The following ADAMTS17 variants were observed in gnomAD, a reference collection of about 807,000 sequenced individuals.
The protein encoded by ADAMTS17 is ADAM metallopeptidase with thrombospondin type 1 motif 17.
A neutral mutation model predicts 141.5 loss-of-function variants in ADAMTS17; 113 were observed. The ratio of observed to expected loss-of-function variants is 0.80; its 90% CI spans 0.69 to 0.93. The LOEUF (loss-of-function observed/expected upper bound fraction) is 0.93. Among genes scored for constraint, ADAMTS17 ranks in the 40% least tolerant of loss-of-function variants. The pLI, the probability that ADAMTS17 is intolerant of heterozygous loss-of-function variation, is 0.00. For synonymous variants in ADAMTS17, 768 were observed against 630.6 expected (o/e 1.22, Z -3.27); for missense variants, 1,659 against 1,517.9 (o/e 1.09, Z -1.54).
chr15:100,258,529 G>C (rs1230081978), intron 6 of ADAMTS17, among the ~76,000 whole-genome samples: 2 of 152,324 alleles, frequency 1.3e-5, no homozygotes, highest in East Asian at 3.9e-4. Flanking sequence ...GAAGGCGAAA[G>C]GCACGTCTCA....
intron 3 of ADAMTS17, among the ~76,000 whole-genome samples, chr15:100,298,052 G>A (rs1280963680): frequency 6.6e-6 from 1 of 152,118 alleles, no homozygotes; most frequent in Non-Finnish European, 1.5e-5. Context: ...GGGGGTCTCA[G>A]TGAGAGTGCT....
At chr15:100,163,523 T>C (rs1812326626) in intron 8 of ADAMTS17, among the ~76,000 whole-genome samples, 1 of 152,202 alleles carries the variant, frequency 6.6e-6, no homozygotes, top group East Asian at 1.9e-4. Flanking sequence ...TCTCACTCTA[T>C]CACCCAAGCT....
intron 15 of ADAMTS17, among the ~76,000 whole-genome samples, chr15:100,058,874 TGACG>T (rs143431810): frequency 2.0e-3 from 302 of 152,310 alleles, no homozygotes; most frequent in African/African-American, 7.1e-3. Context: ...AGGCTGCGGC[TGACG>T]GACAAACCCA....
At chr15:100,288,008 C>T (rs1005121588) in intron 3 of ADAMTS17, among the ~76,000 whole-genome samples, 2 of 152,190 alleles carry the variant, frequency 1.3e-5, no homozygotes, top group African/African-American at 4.8e-5. Flanking sequence ...CTGTATATAT[C>T]GATATTAGCT....
chr15:100,325,873 G>A (rs1424192837), intron 3 of ADAMTS17, among the ~76,000 whole-genome samples: 2 of 152,178 alleles, frequency 1.3e-5, no homozygotes, highest in Non-Finnish European at 1.5e-5. Flanking sequence ...CCATCTGCAA[G>A]CCAAGGAGAG....
chr15:100,170,307 G>A (rs1340332961), intron 8 of ADAMTS17, among the ~76,000 whole-genome samples: 1 of 152,202 alleles, frequency 6.6e-6, no homozygotes, highest in Non-Finnish European at 1.5e-5. Context: ...AAGAGCTGCA[G>A]GGTTTGAGAC....
At chr15:100,255,639 C>CACACACACACACACACACACACACAA (rs2043302355) in intron 6 of ADAMTS17, among the ~76,000 whole-genome samples, 1 of 151,976 alleles carries the variant, frequency 6.6e-6, no homozygotes, top group Admixed American at 6.6e-5. Context: ...CACACACACA[C>CACACACACACACACACACACACACAA]ACAGCTGGCC....
At position 100,076,447 on chromosome 15, in the gene ADAMTS17, G is replaced by A. The variant is rs192399136; in HGVS notation, c.2137+19909C>T. On this transcript the variant is annotated intron_variant, in intron 15 of 21. Coordinates refer to ENST00000268070, the MANE Select transcript of ADAMTS17 (RefSeq NM_139057.4). ...CTTTTCCTTGGTAAGATTTTGCCAAGATTTTTAAAAAGTCATATGTTTTCC... is the reference window on the plus strand; with the variant it reads ...CTTTTCCTTGGTAAGATTTTGCCAAAATTTTTAAAAAGTCATATGTTTTCC... Among the ~76,000 whole-genome samples, 4 of 152,268 alleles carry A rather than the reference G, an allele frequency of 2.6e-5. No individual in the cohort carries two copies. In the East Asian group the frequency reaches 5.8e-4, roughly 22 times the overall value.
Position 100,070,009 on chromosome 15 carries a change from C to A in ADAMTS17, c.2138-15955G>T, listed in dbSNP as rs1397031160. 2.0e-5 allele frequency among the ~76,000 whole-genome samples: 3 copies of A among 150,078 alleles called. 1 individual carries two copies. Among genetic ancestry groups the A allele is most frequent in the African/African-American group, 7.4e-5 (3 of 40,492 alleles). ...GTATTCAGGAAATCCATCTCATGTG[C>A]AGAGACACACATAGGCTCAAAATAA... On this transcript the variant is annotated intron_variant, in intron 15 of 21. Transcript: ENST00000268070.
intron 7 of ADAMTS17, among the ~76,000 whole-genome samples, chr15:100,203,196 C>T (rs1049025308): frequency 6.6e-6 from 1 of 152,128 alleles, no homozygotes; most frequent in African/African-American, 2.4e-5. Flanking sequence ...TGCTTGTGTC[C>T]TAAATGGTGG....
chr15:100,257,759 T>C (rs1279971475), intron 6 of ADAMTS17, among the ~76,000 whole-genome samples: 2 of 152,244 alleles, frequency 1.3e-5, no homozygotes, highest in Non-Finnish European at 1.5e-5. Flanking sequence ...ATTGTGCTAA[T>C]ACATGAACAT....
chr15:100,248,240 A>G (rs1827413558), intron 7 of ADAMTS17, among the ~76,000 whole-genome samples: 1 of 152,212 alleles, frequency 6.6e-6, no homozygotes, highest in African/African-American at 2.4e-5. Context: ...GAGACCAAGC[A>G]AAGGGCAAAA....
intron 15 of ADAMTS17, among the ~76,000 whole-genome samples, chr15:100,078,977 T>C (rs1298342173): frequency 6.6e-6 from 1 of 152,202 alleles, no homozygotes; most frequent in Non-Finnish European, 1.5e-5. Context: ...TAATGATATA[T>C]TAGTCATTAG....
Position 100,221,492 on chromosome 15 carries a change from T to C in ADAMTS17, c.1076-22069A>G, listed in dbSNP as rs1297315685. 4.6e-5 allele frequency among the ~76,000 whole-genome samples: 7 copies of C among 152,348 alleles called. No homozygotes were observed. In the East Asian group the frequency reaches 1.3e-3, roughly 29 times the overall value. ...GGTCAGCCGTTGGGAAATTTTATGC[T>C]ATAATACCTATTGTTCTTTTGGAGT... On this transcript the variant is annotated intron_variant, in intron 7 of 21. Coordinates refer to ENST00000268070, the MANE Select transcript of ADAMTS17 (RefSeq NM_139057.4).
chr15:100,292,089 TGAGAGACGCTCAGCCCGTGGGGAGTCAC>T (rs1567496743), intron 3 of ADAMTS17, among the ~76,000 whole-genome samples: 3 of 118,906 alleles, frequency 2.5e-5, no homozygotes, highest in Non-Finnish European at 3.8e-5. Context: ...TGGGGAGTCA[TGAGAGACGCTCAGCCCGTGGGGAGTCAC>T]GAGAGACGCT....
Position 100,239,345 on chromosome 15 carries a change from C to T in ADAMTS17, c.1075+14791G>A, listed in dbSNP as rs570828854. 2.8e-4 allele frequency among the ~76,000 whole-genome samples: 42 copies of T among 152,334 alleles called. No homozygotes were observed. In the South Asian group the frequency reaches 7.7e-3, roughly 28 times the overall value. On this transcript the variant is annotated intron_variant, in intron 7 of 21. Transcript: ENST00000268070. ...CTCACTTTCATCACTCCTGCAAGCA[C>T]GGGATGAGGAGCGGCGCTGGTTGTG...
chr15:100,095,633 C>G (rs566511301), intron 15 of ADAMTS17, among the ~76,000 whole-genome samples: 126 of 152,312 alleles, frequency 8.3e-4, no homozygotes, highest in Non-Finnish European at 1.5e-3. Context: ...AGCTCCCTCT[C>G]CAGCTGGCTT....
At chr15:100,302,378 T>C (rs1394435037) in intron 3 of ADAMTS17, among the ~76,000 whole-genome samples, 1 of 152,250 alleles carries the variant, frequency 6.6e-6, no homozygotes, top group Non-Finnish European at 1.5e-5. Context: ...ACGTTCTTAC[T>C]CAAGTTTCTG....
chr15:100,009,457 G>A (rs1392461028), intron 18 of ADAMTS17, among the ~76,000 whole-genome samples: 1 of 152,170 alleles, frequency 6.6e-6, no homozygotes, highest in African/African-American at 2.4e-5. Flanking sequence ...GACAGACCCA[G>A]ACTCAAGTCC....
Sources: allele counts gnomAD v4.1 joint callset (sites outside exome capture counted in the v4.1 genomes callset), GRCh38; gene constraint gnomAD v4.1.1; transcripts MANE v1.5; gene names NCBI Gene and HGNC (gene_info 2026-07-23, HGNC 2026-07-21).